Variants in DNAH14 observed in about 807,000 individuals in gnomAD.
DNAH14 encodes axonemal beta dynein heavy chain 14.
In DNAH14, 478 loss-of-function variants were observed where a neutral mutation model predicts 520.9. The ratio of observed to expected loss-of-function variants is 0.92; its 90% CI spans 0.85 to 0.99. DNAH14 has a LOEUF of 0.99. Ranked by LOEUF, DNAH14 falls within the 50% of genes least tolerant of loss-of-function variation. DNAH14 has a pLI of 0.00. For synonymous variants in DNAH14, 1,581 were observed against 1,757.2 expected (o/e 0.90, Z 2.51); for missense variants, 4,831 against 5,234.5 (o/e 0.92, Z 2.38).
intron 10 of DNAH14, among the ~76,000 whole-genome samples, chr1:225,008,097 C>T (rs1370142534): frequency 6.6e-6 from 1 of 151,880 alleles, no homozygotes; most frequent in Non-Finnish European, 1.5e-5. Flanking sequence ...GCGACATGCC[C>T]CAGTGTATGA....
At position 224,952,496 on chromosome 1, in the gene DNAH14, A is replaced by G. The variant is rs370146838; in HGVS notation, c.-33-174A>G. On this transcript the variant is annotated intron_variant, in intron 1 of 85. Coordinates refer to ENST00000682510, the MANE Select transcript of DNAH14 (RefSeq NM_001367479.1). ...TATAGAGATTGCCCTGAGAAGGCTA[A>G]CTAGCTTAGTGAAGGGTTTGGAAAT... Among the ~76,000 whole-genome samples, 61 of 152,352 alleles carry G rather than the reference A, an allele frequency of 4.0e-4. 1 individual carries two copies. In the South Asian group the frequency reaches 0.012, roughly 31 times the overall value.
At chr1:225,154,406 T>C (rs1201534741) in intron 34 of DNAH14, among the ~76,000 whole-genome samples, 3 of 152,022 alleles carry the variant, frequency 2.0e-5, no homozygotes, top group Non-Finnish European at 2.9e-5. Flanking sequence ...TGAGTCTAGC[T>C]AGAAAAATAT....
chr1:225,202,776 C>G (rs561727658), intron 38 of DNAH14, among the ~76,000 whole-genome samples: 3 of 152,186 alleles, frequency 2.0e-5, no homozygotes, highest in Non-Finnish European at 4.4e-5. Flanking sequence ...GGCCTTTTCT[C>G]AATGCCTCTG....
At chr1:224,932,613 G>A (rs978682093) in intron 1 of DNAH14, among the ~76,000 whole-genome samples, 1 of 152,108 alleles carries the variant, frequency 6.6e-6, no homozygotes, top group Non-Finnish European at 1.5e-5. Context: ...TGTATATGGT[G>A]AGAGATAGTG....
At chr1:224,972,931 T>C (rs2061588167) in intron 7 of DNAH14, among the ~76,000 whole-genome samples, 1 of 152,122 alleles carries the variant, frequency 6.6e-6, no homozygotes, top group Admixed American at 6.6e-5. Context: ...TCATGAAACT[T>C]TTCTGGTATA....
chr1:225,324,103 G>A (rs1014625381), intron 62 of DNAH14, 119 bp from the exon 63 acceptor site: 37 of 1,295,820 alleles, frequency 2.9e-5, no homozygotes, highest in South Asian at 2.0e-4. Flanking sequence ...GGCATGAGCC[G>A]CCGCCCCCGG....
intron 11 of DNAH14, among the ~76,000 whole-genome samples, chr1:225,029,104 G>A (rs2066348258): frequency 6.6e-6 from 1 of 151,992 alleles, no homozygotes; most frequent in African/African-American, 2.4e-5. Context: ...ATAAAAATGA[G>A]TGAAATATTA....
intron 84 of DNAH14, among the ~76,000 whole-genome samples, chr1:225,395,420 C>T (rs2095994152): frequency 6.6e-6 from 1 of 152,100 alleles, no homozygotes; most frequent in Non-Finnish European, 1.5e-5. Context: ...GGTGAAACCC[C>T]GTCTCTACTG....
At chr1:225,336,820 G>A (rs2095065692) in intron 66 of DNAH14, among the ~76,000 whole-genome samples, 1 of 152,132 alleles carries the variant, frequency 6.6e-6, no homozygotes, top group Non-Finnish European at 1.5e-5. Flanking sequence ...AGAAATAAGG[G>A]TTATTATAGT....
intron 75 of DNAH14, among the ~76,000 whole-genome samples, chr1:225,363,293 CTT>C (rs1014892092): frequency 1.3e-5 from 2 of 152,086 alleles, no homozygotes; most frequent in African/African-American, 4.8e-5. Context: ...CCAATAATAT[CTT>C]TTATATCAAA....
chr1:224,946,370 G>A (rs1021489748), intron 1 of DNAH14, among the ~76,000 whole-genome samples: 5 of 152,088 alleles, frequency 3.3e-5, no homozygotes, highest in Non-Finnish European at 5.9e-5. Context: ...GGAGTGACCC[G>A]ATTTTCCAGG....
At chr1:225,210,621 C>T (rs886601900) in intron 41 of DNAH14, among the ~76,000 whole-genome samples, 4 of 152,112 alleles carry the variant, frequency 2.6e-5, no homozygotes, top group African/African-American at 9.7e-5. Flanking sequence ...CAGAAGAGAG[C>T]AGTGGCTCTT....
chr1:225,023,120 A>G (rs566445995), intron 10 of DNAH14, among the ~76,000 whole-genome samples: 1 of 152,132 alleles, frequency 6.6e-6, no homozygotes, highest in Non-Finnish European at 1.5e-5. Flanking sequence ...GTATGGGTTA[A>G]AAGGCAACCT....
chr1:225,322,085 C>CTTTTTTTTTTTTTTTTTT (rs3047035), intron 61 of DNAH14, among the ~76,000 whole-genome samples: 12 of 90,172 alleles, frequency 1.3e-4, no homozygotes, highest in East Asian at 3.9e-4. Context: ...TTTTTTCTTT[C>CTTTTTTTTTTTTTTTTTT]TTTTTTTTTT....
At chr1:225,152,225 C>G (rs1032054093) in intron 32 of DNAH14, among the ~76,000 whole-genome samples, 152 bp downstream of exon 32, 1 of 152,182 alleles carries the variant, frequency 6.6e-6, no homozygotes, top group African/African-American at 2.4e-5. Context: ...CATTTATGAA[C>G]AGCTGCACTC....
chr1:225,166,714 A>G (rs1324293515), intron 35 of DNAH14, among the ~76,000 whole-genome samples: 1 of 152,214 alleles, frequency 6.6e-6, no homozygotes, highest in Admixed American at 6.5e-5. Context: ...TGTCTCTAAC[A>G]CATCCAAAGT....
At chr1:225,037,527 G>C (rs1047496174) in intron 11 of DNAH14, among the ~76,000 whole-genome samples, 1 of 152,044 alleles carries the variant, frequency 6.6e-6, no homozygotes, top group Admixed American at 6.6e-5. Flanking sequence ...ATCTCTATAC[G>C]TAATCTCCTT....
intron 7 of DNAH14, among the ~76,000 whole-genome samples, chr1:224,970,949 A>G (rs1477286005): frequency 2.0e-5 from 3 of 152,230 alleles, no homozygotes; most frequent in Non-Finnish European, 4.4e-5. Context: ...ATTATCCTGC[A>G]CTCAAATATT....
At chr1:225,371,892 GAA>G (rs567107842) in intron 77 of DNAH14, among the ~76,000 whole-genome samples, 18 of 152,166 alleles carry the variant, frequency 1.2e-4, no homozygotes, top group Non-Finnish European at 7.4e-5. Flanking sequence ...AAATTAGGGA[GAA>G]AAGAGTCATA....
Sources: allele counts gnomAD v4.1 joint callset (sites outside exome capture counted in the v4.1 genomes callset), GRCh38; gene constraint gnomAD v4.1.1; transcripts MANE v1.5; gene names NCBI Gene and HGNC (gene_info 2026-07-23, HGNC 2026-07-21).